CCDC57: variants seen among roughly 807,000 people sequenced by gnomAD.
CCDC57 encodes coiled-coil domain containing 57, also known as coiled-coil domain-containing protein 57.
In CCDC57, 118 loss-of-function variants were observed where a neutral mutation model predicts 118.9. That is an observed-to-expected ratio of 0.99 (90% CI 0.86 to 1.16). The LOEUF (loss-of-function observed/expected upper bound fraction) is 1.16, where lower values mean the gene tolerates loss of function less well. Ranked by LOEUF, CCDC57 falls within the 50% of genes most tolerant of loss-of-function variation. The probability of loss-of-function intolerance (pLI) is 0.00; values close to 1 mark genes in which losing one functional copy is unlikely to be tolerated. For missense variants in CCDC57, 1,300 were observed against 1,320.7 expected (o/e 0.98, Z 0.24); for synonymous variants, 527 against 532.9 (o/e 0.99, Z 0.15).
rs374280835 is a variant in CCDC57, at chr17:82,172,723, C to T, written c.1644G>A (p.Gln548=). Reference sequence around the variant, plus strand: ...CCGCTGTCTGGATGGGAGGAGGAATCTGATGGCTTAGAGCCTCCATTTCTT... The same window carrying T: ...CCGCTGTCTGGATGGGAGGAGGAATTTGATGGCTTAGAGCCTCCATTTCTT... The change falls in exon 12 of 20, where the codon CAG becomes CAA. Residue 548 remains glutamine (Q), a synonymous_variant. Coordinates refer to ENST00000665763, the Ensembl canonical transcript of CCDC57. This position sits in a 1 kb window ranked among gnomAD's most constrained non-coding sequence, Gnocchi z 5.2. The T allele has an allele frequency of 3.1e-6, 5 of 1,592,522 alleles. No homozygotes were observed. Among genetic ancestry groups the T allele is most frequent in the Non-Finnish European group, 4.3e-6 (5 of 1,169,600 alleles).
At chr17:82,199,010 GA>G (rs1490393242) in intron 3 of CCDC57, among the ~76,000 whole-genome samples, 1 of 99,580 alleles carries the variant, frequency 1.0e-5, no homozygotes, top group African/African-American at 3.7e-5. Context: ...AAAAAAAAAA[GA>G]AAAAGGAAAA....
At chr17:82,196,294 T>C (rs2048292539) in intron 4 of CCDC57, among the ~76,000 whole-genome samples, 1 of 152,244 alleles carries the variant, frequency 6.6e-6, no homozygotes, top group Admixed American at 6.5e-5. Context: ...CCACGGATTT[T>C]AGACGCTGGC....
At chr17:82,129,389 A>C in intron 17 of CCDC57, among the ~76,000 whole-genome samples, 1 of 152,236 alleles carries the variant, frequency 6.6e-6, no homozygotes, top group East Asian at 1.9e-4. Context: ...AATTCAAAGC[A>C]GTGGGACCTG....
At chr17:82,128,061 G>C (rs1471044607) in intron 18 of CCDC57, among the ~76,000 whole-genome samples, 153 bp from the exon 18 acceptor site, 1 of 152,162 alleles carries the variant, frequency 6.6e-6, no homozygotes, top group African/African-American at 2.4e-5. Context: ...AGGAGAGGCA[G>C]CTGCAGACAG....
At chr17:82,182,359 T>A (rs1212046161) in intron 9 of CCDC57, among the ~76,000 whole-genome samples, 2 of 143,642 alleles carry the variant, frequency 1.4e-5, no homozygotes, top group East Asian at 4.0e-4. Context: ...GTACTTTTCC[T>A]TTTTTTTTTT....
chr17:82,163,311 A>C, exon 14 of CCDC57: 2 of 1,613,620 alleles, frequency 1.2e-6, no homozygotes, highest in Non-Finnish European at 1.7e-6. Context: ...CTCCTGCTTG[A>C]CCAGCTTGGA....
At chr17:82,187,151 C>T (rs1361120895) in intron 8 of CCDC57, among the ~76,000 whole-genome samples, 7 of 148,258 alleles carry the variant, frequency 4.7e-5, no homozygotes, top group East Asian at 2.1e-4. Flanking sequence ...GCAGGAGAAT[C>T]GCTTGAACCC....
At chr17:82,188,496 A>G in intron 7 of CCDC57, 77 bp from the exon 7 acceptor site, 1 of 1,433,952 alleles carries the variant, frequency 7.0e-7, no homozygotes, top group Non-Finnish European at 9.4e-7. Context: ...GGAGGCGTTC[A>G]TTGCCCTGTC....
intron 1 of CCDC57, among the ~76,000 whole-genome samples, chr17:82,211,786 C>A (rs1418243270): frequency 6.6e-6 from 1 of 152,144 alleles, no homozygotes; most frequent in African/African-American, 2.4e-5. Flanking sequence ...CAAGCACATC[C>A]AGGAATGCGC....
chr17:82,205,022 A>G (rs1305949350), intron 2 of CCDC57, among the ~76,000 whole-genome samples: 1 of 152,208 alleles, frequency 6.6e-6, no homozygotes, highest in Non-Finnish European at 1.5e-5. Context: ...CCATCACCCC[A>G]GTGTCGGGTG....
In CCDC57 at chr17:82,182,218, T is replaced by C. The variant is rs138456195; in HGVS notation, c.1211+1556A>G. On this transcript the variant is annotated intron_variant, in intron 9 of 19. Transcript: ENST00000665763. ...GTTTTCTACATACACAAGTAATAGG[T>C]AAATCTAAATGTGCTTTCTTGAAGA... 4.6e-5 allele frequency among the ~76,000 whole-genome samples: 7 copies of C among 151,620 alleles called. No individual in the cohort carries two copies. The East Asian group carries it at 1.4e-3, about 29-fold the overall frequency.
chr17:82,148,653 TAGATGAATGAGTGGGTGGATG>T, intron 16 of CCDC57, among the ~76,000 whole-genome samples: 1 of 80,468 alleles, frequency 1.2e-5, no homozygotes, highest in Admixed American at 1.6e-4. Flanking sequence ...GGTGGGTGAA[TAGATGAATGAGTGGGTGGATG>T]GGTAGATGGA....
In CCDC57 at chr17:82,193,744, C is replaced by T. The variant is rs368593274; in HGVS notation, c.851+12G>A. On this transcript the variant is annotated intron_variant, in intron 7 of 19. Transcript: ENST00000665763. ...TGACATGCTGCATGATGTTGGGAGC[C>T]GAAACACTCACTTCCTCTTAAATGT... 25 of 1,585,256 alleles carry T rather than the reference C, an allele frequency of 1.6e-5. No homozygotes were observed. The highest frequency in any genetic ancestry group is 1.5e-4 in the African/African-American group (11 of 74,560).
intron 5 of CCDC57, among the ~76,000 whole-genome samples, chr17:82,194,493 T>A (rs2048066132): frequency 6.6e-6 from 1 of 151,938 alleles, no homozygotes; most frequent in African/African-American, 2.4e-5. Context: ...GTATTTTTAG[T>A]AGAGACAGGG....
chr17:82,203,105 C>G (rs1475795846), intron 2 of CCDC57, among the ~76,000 whole-genome samples: 20 of 152,202 alleles, frequency 1.3e-4, no homozygotes. Context: ...GCGGACCCCT[C>G]GTGGCTTGGT....
At chr17:82,185,110 G>C (rs2046771651) in intron 8 of CCDC57, 1 of 151,656 alleles carries the variant, frequency 6.6e-6, no homozygotes, top group African/African-American at 2.5e-5. Flanking sequence ...CTCAGGTGTA[G>C]ATCAATGGGC....
At chr17:82,182,498 C>A (rs1430629754) in intron 9 of CCDC57, among the ~76,000 whole-genome samples, 1 of 151,340 alleles carries the variant, frequency 6.6e-6, no homozygotes, top group Non-Finnish European at 1.5e-5. Context: ...GGATTACAGG[C>A]GTGTGACACC....
At chr17:82,180,665 C>T (rs569309328) in intron 9 of CCDC57, among the ~76,000 whole-genome samples, 7 of 152,182 alleles carry the variant, frequency 4.6e-5, no homozygotes, top group East Asian at 3.9e-4. Flanking sequence ...TTAGTAGAGA[C>T]GGGGTTTCAC....
chr17:82,184,016 TGCGCGCGCGC>T (rs141760654), intron 8 of CCDC57, 84 bp from the exon 8 acceptor site: 26 of 304,606 alleles, frequency 8.5e-5, no homozygotes, highest in Admixed American at 1.8e-4. Flanking sequence ...CAAATACACA[TGCGCGCGCGC>T]GCGCGCACAC....
Sources: gnomAD v4.1 joint callset for allele counts (sites outside exome capture counted in the v4.1 genomes callset) on GRCh38, gnomAD v4.1.1 for gene constraint, Gnocchi (gnomAD v3.1) non-coding constraint, MANE v1.5 for transcripts, NCBI Gene and HGNC (gene_info 2026-07-23, HGNC 2026-07-21) for gene names.